Variants in ATP8A2 observed in about 807,000 individuals in gnomAD.
ATP8A2 encodes phospholipid-transporting ATPase IB.
In ATP8A2, 100 loss-of-function variants were observed where a neutral mutation model predicts 165.6. The ratio of observed to expected loss-of-function variants is 0.60; its 90% CI spans 0.51 to 0.71. The LOEUF is 0.71. Ranked by LOEUF, ATP8A2 falls within the 30% of genes least tolerant of loss-of-function variation. ATP8A2 has a pLI of 0.00. For synonymous variants in ATP8A2, 543 were observed against 548.8 expected (o/e 0.99, Z 0.15); for missense variants, 1,227 against 1,479.5 (o/e 0.83, Z 2.80).
intron 11 of ATP8A2, among the ~76,000 whole-genome samples, chr13:25,552,176 G>A (rs1314647443): frequency 1.3e-5 from 2 of 152,004 alleles, no homozygotes; most frequent in Admixed American, 6.6e-5. Context: ...TAGTAGAGAC[G>A]GGATTTCACC....
At chr13:25,537,903 C>T in intron 6 of ATP8A2, 85 bp from the exon 7 acceptor site, 9 of 865,718 alleles carry the variant, frequency 1.0e-5, no homozygotes, top group Admixed American at 2.2e-5. Flanking sequence ...ATAATTTTTT[C>T]TTCAAATATT....
chr13:25,722,059 C>T (rs1251983273), intron 25 of ATP8A2, among the ~76,000 whole-genome samples: 2 of 152,200 alleles, frequency 1.3e-5, no homozygotes, highest in African/African-American at 4.8e-5. Flanking sequence ...TTTACACTCT[C>T]ACCAGCAGTG....
chr13:25,958,334 A>AC (rs1333744030), intron 33 of ATP8A2, among the ~76,000 whole-genome samples: 6 of 152,140 alleles, frequency 3.9e-5, no homozygotes, highest in Non-Finnish European at 7.4e-5. Context: ...CTAGTTTGTC[A>AC]CCACATTCGT....
At chr13:25,757,097 T>C (rs776440136) in intron 25 of ATP8A2, among the ~76,000 whole-genome samples, 2 of 152,092 alleles carry the variant, frequency 1.3e-5, no homozygotes, top group Non-Finnish European at 2.9e-5. Context: ...AGGGAGACAA[T>C]ACACCTACTC....
chr13:25,380,543 A>G (rs2032799511), intron 1 of ATP8A2, among the ~76,000 whole-genome samples: 1 of 152,286 alleles, frequency 6.6e-6, no homozygotes, highest in Admixed American at 6.5e-5. Context: ...ATATATCGAA[A>G]TAATATTTTG....
rs1166100842 is a variant in ATP8A2 at position 25,538,020 on chromosome 13, T to C, written c.540T>C (p.Asn180=). The C allele has an allele frequency of 6.2e-7, 1 of 1,614,066 alleles. No individual in the cohort carries two copies. Among genetic ancestry groups the C allele is most frequent in the Admixed American group, 1.7e-5 (1 of 60,012 alleles). The change falls in exon 7 of 37, where the codon AAT becomes AAC. Residue 180 remains asparagine (N), a synonymous_variant. Coordinates refer to ENST00000381655, the MANE Select transcript of ATP8A2 (RefSeq NM_016529.6). ...TGGGAGACATTGTGAAGGTCGTCAA[T>C]GGGCAGTATCTTCCAGCAGATGTGG... ...VAVGDIVKVV[N]GQYLPADVVL...
chr13:25,690,870 G>C (rs182385873), intron 24 of ATP8A2, among the ~76,000 whole-genome samples: 4 of 151,990 alleles, frequency 2.6e-5, no homozygotes, highest in Non-Finnish European at 5.9e-5. Context: ...TAATATAAAC[G>C]TAAGTCTACA....
chr13:25,467,451 A>G (rs2035699367), intron 1 of ATP8A2, among the ~76,000 whole-genome samples: 1 of 152,236 alleles, frequency 6.6e-6, no homozygotes, highest in Non-Finnish European at 1.5e-5. Flanking sequence ...TAATCACTTT[A>G]AAAAGATGAT....
chr13:25,700,069 A>G (rs750969451), intron 25 of ATP8A2, among the ~76,000 whole-genome samples: 1 of 152,174 alleles, frequency 6.6e-6, no homozygotes, highest in Non-Finnish European at 1.5e-5. Flanking sequence ...GTCACAGGAT[A>G]TTCAGGGACC....
At chr13:25,700,431 C>A (rs192425911) in intron 25 of ATP8A2, among the ~76,000 whole-genome samples, 1 of 152,150 alleles carries the variant, frequency 6.6e-6, no homozygotes, top group Non-Finnish European at 1.5e-5. Context: ...TCTTCCTGCA[C>A]GCCTTCACCC....
intron 33 of ATP8A2, among the ~76,000 whole-genome samples, chr13:25,877,580 C>T (rs776717445): frequency 1.2e-4 from 18 of 152,152 alleles, no homozygotes; most frequent in South Asian, 2.1e-4. Context: ...CGACCTGGTC[C>T]TCCCCCCGAC....
intron 6 of ATP8A2, among the ~76,000 whole-genome samples, chr13:25,533,610 A>T (rs2137938841): frequency 6.6e-6 from 1 of 152,342 alleles, no homozygotes; most frequent in African/African-American, 2.4e-5. Flanking sequence ...TCTTAACCTA[A>T]GTTAAAGTTT....
At chr13:25,830,879 T>C (rs1385207408) in intron 28 of ATP8A2, among the ~76,000 whole-genome samples, 1 of 152,210 alleles carries the variant, frequency 6.6e-6, no homozygotes, top group Non-Finnish European at 1.5e-5. Context: ...AGCTTCCTCT[T>C]ATACAACCGA....
Position 26,012,588 on chromosome 13 carries a change from G to A in ATP8A2, c.3435G>A (p.Leu1145=), listed in dbSNP as rs980155703. The change falls in exon 36 of 37, where the codon CTG becomes CTA. Residue 1145 remains leucine (L), a synonymous_variant. Transcript: ENST00000381655. The part of the protein sequence containing the change: ...KRLGRKTPPT[L]FRGSSLQQGV... Reference sequence around the variant, plus strand: ...TGGGCCGGAAGACGCCCCCGACGCTGTTCCGGGGCAGCTCCCTGCAGCAGG... The same window carrying A: ...TGGGCCGGAAGACGCCCCCGACGCTATTCCGGGGCAGCTCCCTGCAGCAGG... 5.2e-6 allele frequency: 8 copies of A among 1,524,906 alleles called. No individual in the cohort carries two copies. Among genetic ancestry groups the A allele is most frequent in the African/African-American group, 4.2e-5 (3 of 70,932 alleles). 94.5% of individuals were successfully genotyped at this position (1,524,906 alleles called of 1,614,324 possible). A position where few individuals can be genotyped will look rare whatever the true frequency, so the allele number is the denominator to read the frequency against.
chr13:25,845,350 C>G (rs1483655895), intron 30 of ATP8A2, among the ~76,000 whole-genome samples: 2 of 151,984 alleles, frequency 1.3e-5, no homozygotes, highest in Non-Finnish European at 2.9e-5. Context: ...CAAAATCGGT[C>G]TTGATTTTAA....
intron 27 of ATP8A2, among the ~76,000 whole-genome samples, chr13:25,799,900 T>A (rs1950585992): frequency 6.6e-6 from 1 of 152,220 alleles, no homozygotes. Context: ...AATAGAGCAC[T>A]CAGATCTTCA....
rs544036546 is a variant in ATP8A2 at position 25,820,662 on chromosome 13, A to C, written c.2680-7456A>C. Among the ~76,000 whole-genome samples the C allele has an allele frequency of 7.2e-5, 11 of 152,342 alleles. 1 individual carries two copies. The South Asian group carries it at 2.3e-3, about 32-fold the overall frequency. On this transcript the variant is annotated intron_variant, in intron 27 of 36. Transcript: ENST00000381655. ...TTGGGTGGTGCTGTCTTTTTGGTGT[A>C]TGAATTAACATTTGTATATGACTTA...
chr13:25,582,043 A>G (rs2039791987), intron 23 of ATP8A2, 86 bp downstream of exon 23: 2 of 1,301,206 alleles, frequency 1.5e-6, no homozygotes, highest in East Asian at 2.4e-5. Context: ...ATGTTTCTCA[A>G]ATTCATTGAC....
At chr13:25,664,894 T>G (rs985961342) in intron 24 of ATP8A2, among the ~76,000 whole-genome samples, 3 of 150,424 alleles carry the variant, frequency 2.0e-5, no homozygotes, top group Non-Finnish European at 4.4e-5. Context: ...AAAAGAAGAT[T>G]GACATTTAAG....
Sources: allele counts gnomAD v4.1 joint callset (sites outside exome capture counted in the v4.1 genomes callset), GRCh38; gene constraint gnomAD v4.1.1; transcripts MANE v1.5; gene names NCBI Gene and HGNC (gene_info 2026-07-23, HGNC 2026-07-21).